RUNDC3B: variants seen among roughly 807,000 people sequenced by gnomAD.
RUNDC3B encodes RUN domain-containing protein 3B.
Under a neutral mutation model 58.4 loss-of-function variants are expected in RUNDC3B, and 33 were observed. The observed-to-expected ratio is 0.56, with a 90% CI of 0.43 to 0.75. RUNDC3B has a LOEUF of 0.75. RUNDC3B is among the 30% of genes least tolerant of loss of function. The probability of loss-of-function intolerance (pLI) is 0.00; values close to 1 mark genes in which losing one functional copy is unlikely to be tolerated. For synonymous variants in RUNDC3B, 193 were observed against 195.2 expected (o/e 0.99, Z 0.10); for missense variants, 501 against 535.7 (o/e 0.94, Z 0.64).
At chr7:87,706,402 G>A (rs1829589503) in intron 3 of RUNDC3B, among the ~76,000 whole-genome samples, 1 of 151,982 alleles carries the variant, frequency 6.6e-6, no homozygotes, top group Non-Finnish European at 1.5e-5. Flanking sequence ...TATTGAGAAG[G>A]GTGTAATTGG....
intron 1 of RUNDC3B, among the ~76,000 whole-genome samples, chr7:87,649,647 AT>A (rs1435509033): frequency 3.9e-5 from 6 of 152,128 alleles, no homozygotes; most frequent in Non-Finnish European, 8.8e-5. Context: ...CACTTTACAG[AT>A]TTGCAGGTTT....
At chr7:87,789,579 GTAA>G (rs1445514431) in intron 8 of RUNDC3B, among the ~76,000 whole-genome samples, 1 of 152,138 alleles carries the variant, frequency 6.6e-6, no homozygotes, top group African/African-American at 2.4e-5. Context: ...ATTTTGGCAG[GTAA>G]TAATTCTAAT....
intron 8 of RUNDC3B, among the ~76,000 whole-genome samples, chr7:87,791,147 G>A (rs530979495): frequency 2.0e-5 from 3 of 152,212 alleles, no homozygotes; most frequent in Admixed American, 6.5e-5. Context: ...AGACTTCTCA[G>A]TGGAAATCTT....
At chr7:87,684,183 A>G (rs1827214979) in intron 2 of RUNDC3B, among the ~76,000 whole-genome samples, 1 of 152,224 alleles carries the variant, frequency 6.6e-6, no homozygotes, top group Admixed American at 6.5e-5. Flanking sequence ...GTTTCTCAAC[A>G]TTGATACTGT....
At chr7:87,744,214 G>C (rs1832517308) in intron 6 of RUNDC3B, among the ~76,000 whole-genome samples, 1 of 152,092 alleles carries the variant, frequency 6.6e-6, no homozygotes, top group Middle Eastern at 3.2e-3. Flanking sequence ...GGTGACTAGG[G>C]CCATATAGTA....
chr7:87,683,447 AGTGAGATATAT>A (rs1827131362), intron 2 of RUNDC3B, among the ~76,000 whole-genome samples: 1 of 152,196 alleles, frequency 6.6e-6, no homozygotes, highest in African/African-American at 2.4e-5. Flanking sequence ...TTTGATTTAA[AGTGAGATATAT>A]GCCACTCTTC....
intron 4 of RUNDC3B, among the ~76,000 whole-genome samples, chr7:87,735,412 TTAAAAG>T (rs1414775920): frequency 6.6e-6 from 1 of 152,192 alleles, no homozygotes; most frequent in African/African-American, 2.4e-5. Context: ...CCAGCTGATC[TTAAAAG>T]TAAAAGAGAT....
chr7:87,661,457 C>G (rs762921320), intron 2 of RUNDC3B, among the ~76,000 whole-genome samples: 20 of 151,472 alleles, frequency 1.3e-4, no homozygotes, highest in African/African-American at 4.4e-4. Context: ...ATTTTACTCT[C>G]TATCTCTATA....
intron 4 of RUNDC3B, among the ~76,000 whole-genome samples, chr7:87,738,688 T>C (rs1832135520): frequency 6.6e-6 from 1 of 152,142 alleles, no homozygotes; most frequent in South Asian, 2.1e-4. Context: ...AACATGAGCT[T>C]GTGCAAATTG....
chr7:87,711,841 A>G (rs537597750), intron 4 of RUNDC3B, among the ~76,000 whole-genome samples: 62 of 152,174 alleles, frequency 4.1e-4, no homozygotes, highest in Non-Finnish European at 7.1e-4. Context: ...AGATATTTCT[A>G]AACTACCGTT....
intron 3 of RUNDC3B, among the ~76,000 whole-genome samples, chr7:87,706,429 G>A (rs1442196059): frequency 6.6e-6 from 1 of 152,092 alleles, no homozygotes; most frequent in East Asian, 1.9e-4. Context: ...AAACAGAGTC[G>A]ATCCCAAAGG....
chr7:87,725,697 C>A (rs535994528), intron 4 of RUNDC3B, among the ~76,000 whole-genome samples: 52 of 152,150 alleles, frequency 3.4e-4, no homozygotes, highest in East Asian at 1.4e-3. Context: ...ACTAGTTTAC[C>A]GTCCCACCAA....
intron 1 of RUNDC3B, among the ~76,000 whole-genome samples, chr7:87,644,913 TG>T (rs1822829031): frequency 6.6e-6 from 1 of 152,018 alleles, no homozygotes; most frequent in African/African-American, 2.4e-5. Flanking sequence ...ATTATAATTA[TG>T]TTACAAATCT....
chr7:87,694,093 T>G lies in RUNDC3B; in HGVS notation c.239-6328T>G. The G allele has an allele frequency of 3.4e-6, 5 of 1,489,516 alleles. No individual in the cohort carries two copies. In the South Asian group the frequency reaches 5.3e-5, roughly 16 times the overall value. The allele number at this position is 1,489,516 out of a possible 1,614,324, so 92.3% of individuals were successfully genotyped here. A position where few individuals can be genotyped will look rare whatever the true frequency, so the allele number is the denominator to read the frequency against. On this transcript the variant is annotated intron_variant, in intron 2 of 10. Transcript: ENST00000394654. ...GTTTTGTAAAGCCTTCTTTTTTGTG[T>G]GTTTTTGTTTTTTTTTTTTAATCCA...
At chr7:87,754,411 T>C (rs557772070) in intron 6 of RUNDC3B, among the ~76,000 whole-genome samples, 1 of 152,140 alleles carries the variant, frequency 6.6e-6, no homozygotes, top group Non-Finnish European at 1.5e-5. Context: ...AGATACAACA[T>C]ACCAGAATCT....
chr7:87,748,487 C>T (rs1832778770), intron 6 of RUNDC3B, among the ~76,000 whole-genome samples: 1 of 152,112 alleles, frequency 6.6e-6, no homozygotes, highest in Non-Finnish European at 1.5e-5. Context: ...GACATCTAGT[C>T]CTGCTTTCTG....
intron 1 of RUNDC3B, among the ~76,000 whole-genome samples, chr7:87,630,242 G>A (rs886789935): frequency 1.3e-5 from 2 of 152,118 alleles, no homozygotes; most frequent in Non-Finnish European, 2.9e-5. Flanking sequence ...GTGGAATACA[G>A]ATAATTATTC....
chr7:87,650,987 A>T, intron 2 of RUNDC3B, 50 bp downstream of exon 2: 1 of 1,070,228 alleles, frequency 9.3e-7, no homozygotes, highest in South Asian at 1.3e-5. Flanking sequence ...TCTTTATAAT[A>T]AGCTTGAAAT....
At chr7:87,684,746 C>CAAAAA (rs71524694) in intron 2 of RUNDC3B, among the ~76,000 whole-genome samples, 511 of 37,708 alleles carry the variant, frequency 0.014, 11 homozygotes, top group Middle Eastern at 0.025. Context: ...GACTCCGTCT[C>CAAAAA]AAAAAAAAAA....
Sources: gnomAD v4.1 joint callset for allele counts (sites outside exome capture counted in the v4.1 genomes callset) on GRCh38, gnomAD v4.1.1 for gene constraint, MANE v1.5 for transcripts, NCBI Gene and HGNC (gene_info 2026-07-23, HGNC 2026-07-21) for gene names.